The following PIK3C2A variants were observed in gnomAD, a reference collection of about 807,000 sequenced individuals.
PIK3C2A encodes phosphatidylinositol-4-phosphate 3-kinase catalytic subunit type 2 alpha.
A neutral mutation model predicts 204.5 loss-of-function variants in PIK3C2A; 97 were observed. The ratio of observed to expected loss-of-function variants is 0.47; its 90% CI spans 0.40 to 0.56. PIK3C2A has a LOEUF of 0.56. Among genes scored for constraint, PIK3C2A ranks in the 20% least tolerant of loss-of-function variants. The pLI is 0.00. For synonymous variants in PIK3C2A, 653 were observed against 664.4 expected (o/e 0.98, Z 0.26); for missense variants, 1,735 against 1,969.2 (o/e 0.88, Z 2.25).
In PIK3C2A at chr11:17,158,564, C is replaced by T. The variant is rs144065960; in HGVS notation, c.1066-2935G>A. Among the ~76,000 whole-genome samples the T allele has an allele frequency of 4.2e-3, 637 of 151,988 alleles. 4 individuals carry two copies. Among genetic ancestry groups the T allele is most frequent in the Middle Eastern group, 0.014 (4 of 292 alleles). On this transcript the variant is annotated intron_variant, in intron 2 of 32. Transcript: ENST00000691414. Reference sequence around the variant, plus strand: ...AATTTCAACCCAGGCAGTCTGGCTTCAATGTCACATGCTTAATCACCATGC... The same window carrying T: ...AATTTCAACCCAGGCAGTCTGGCTTTAATGTCACATGCTTAATCACCATGC...
At chr11:17,139,501 G>A (rs1849985877) in intron 8 of PIK3C2A, among the ~76,000 whole-genome samples, 1 of 152,038 alleles carries the variant, frequency 6.6e-6, no homozygotes, top group African/African-American at 2.4e-5. Context: ...TAGGATTACA[G>A]GCATGAGCCA....
At chr11:17,185,812 A>AT (rs762873796) in intron 1 of PIK3C2A, among the ~76,000 whole-genome samples, 2 of 152,076 alleles carry the variant, frequency 1.3e-5, no homozygotes, top group African/African-American at 2.4e-5. Flanking sequence ...TCTTTCCTGG[A>AT]TTATTGAAAT....
intron 19 of PIK3C2A, among the ~76,000 whole-genome samples, chr11:17,115,116 G>T (rs533254159): frequency 6.6e-6 from 1 of 151,856 alleles, no homozygotes; most frequent in Admixed American, 6.6e-5. Context: ...ATGGATACAC[G>T]GTTCCTAAAA....
Position 17,112,554 on chromosome 11 carries a change from C to T in PIK3C2A, c.3414+20G>A, listed in dbSNP as rs766912995. The T allele has an allele frequency of 4.3e-5, 51 of 1,189,932 alleles. No homozygotes were observed. Among genetic ancestry groups the T allele is most frequent in the Non-Finnish European group, 5.9e-5 (49 of 833,652 alleles). The allele number at this position is 1,189,932 out of a possible 1,614,324, so 73.7% of individuals were successfully genotyped here. A position where few individuals can be genotyped will look rare whatever the true frequency, so the allele number is the denominator to read the frequency against. On this transcript the variant is annotated intron_variant, in intron 21 of 32. Transcript: ENST00000691414. The stretch of plus-strand genomic sequence containing the variant: ...AAATTTCTAAATTGCCATTAAAAAA[C>T]AGTAACATTATTTACTCACCTTAAA...
intron 1 of PIK3C2A, among the ~76,000 whole-genome samples, chr11:17,191,896 G>A (rs1275578607): frequency 2.6e-5 from 4 of 151,632 alleles, no homozygotes; most frequent in Admixed American, 2.0e-4. Context: ...ACTTTGGGAC[G>A]TCAAGGTGGG....
At chr11:17,112,781 A>T (rs1192452212) in intron 20 of PIK3C2A, 115 bp from the exon 21 acceptor site, 7 of 471,936 alleles carry the variant, frequency 1.5e-5, no homozygotes, top group Non-Finnish European at 2.7e-5. Flanking sequence ...TTTTAGATTT[A>T]TTTTTTATTT....
intron 1 of PIK3C2A, among the ~76,000 whole-genome samples, chr11:17,203,305 C>T (rs1326463812): frequency 7.0e-6 from 1 of 142,802 alleles, no homozygotes; most frequent in Non-Finnish European, 1.5e-5. Context: ...CCAGCCTGGT[C>T]AACATAGTGA....
chr11:17,102,920 T>C, intron 23 of PIK3C2A, 89 bp from the exon 24 acceptor site: 1 of 782,848 alleles, frequency 1.3e-6, no homozygotes, highest in South Asian at 1.9e-5. Flanking sequence ...TATCACTCTT[T>C]AAAAACACTA....
At chr11:17,098,941 G>C (rs928511501) in intron 26 of PIK3C2A, among the ~76,000 whole-genome samples, 2 of 152,162 alleles carry the variant, frequency 1.3e-5, no homozygotes, top group Non-Finnish European at 2.9e-5. Context: ...TGTTCCTCAG[G>C]CTGGAGTGCA....
chr11:17,207,094 C>CA (rs1261016318), intron 1 of PIK3C2A, among the ~76,000 whole-genome samples: 1 of 152,226 alleles, frequency 6.6e-6, no homozygotes, highest in African/African-American at 2.4e-5. Flanking sequence ...CCTCCTCCCC[C>CA]AAAAAATAAT....
At chr11:17,182,272 G>A (rs754449553) in intron 1 of PIK3C2A, among the ~76,000 whole-genome samples, 10 of 151,900 alleles carry the variant, frequency 6.6e-5, no homozygotes, top group Non-Finnish European at 7.4e-5. Flanking sequence ...TTTTCTGTGC[G>A]TTACTTAACC....
At chr11:17,105,138 GC>G in intron 23 of PIK3C2A, 30 bp downstream of exon 23, 2 of 1,580,076 alleles carry the variant, frequency 1.3e-6, no homozygotes, top group Non-Finnish European at 8.7e-7. Context: ...TTTTGACAAA[GC>G]TTTTTAGAAT....
chr11:17,090,923 T>C (rs1459966099), intron 32 of PIK3C2A, among the ~76,000 whole-genome samples: 5 of 151,784 alleles, frequency 3.3e-5, no homozygotes, highest in Non-Finnish European at 7.4e-5. Context: ...TCTTTTTTTT[T>C]TTTTGTAGAG....
Position 17,089,881 on chromosome 11 carries a change from G to A in PIK3C2A, c.4918C>T (p.Arg1640Ter). Residue 1640 changes from arginine (R) to a stop codon, truncating the protein, a stop_gained, in exon 33 of 33, where the codon CGA (arginine) becomes TGA (stop). Transcript: ENST00000691414. LOFTEE classifies it high-confidence loss of function. ...SGYSKETLRQ[R>*]ELQLSVLSAE... Reference sequence around the variant, plus strand: ...CTGAGTACACTTAGTTGAAGTTCTCGCTGTCTTAGGGTTTCTTTGCTATAT... The same window carrying A: ...CTGAGTACACTTAGTTGAAGTTCTCACTGTCTTAGGGTTTCTTTGCTATAT... The A allele has an allele frequency of 3.7e-6, 6 of 1,612,614 alleles. No homozygotes were observed. Among genetic ancestry groups the A allele is most frequent in the Non-Finnish European group, 5.1e-6 (6 of 1,179,060 alleles).
intron 8 of PIK3C2A, 54 bp downstream of exon 8, chr11:17,145,614 A>G: frequency 9.8e-7 from 1 of 1,017,650 alleles, no homozygotes; most frequent in South Asian, 1.4e-5. Flanking sequence ...ATTTAAGAGA[A>G]AGAAGCAGCA....
Position 17,110,423 on chromosome 11 carries a change from T to C in PIK3C2A, c.3544+9A>G. ...AAATAAGACATCAAGACACAGCTAA[T>C]AAACTTACCTCGATCTCTGCCAGTT... On this transcript the variant is annotated intron_variant, in intron 22 of 32. Coordinates refer to ENST00000691414, the MANE Select transcript of PIK3C2A (RefSeq NM_002645.4). 2 of 1,605,820 alleles carry C rather than the reference T, an allele frequency of 1.2e-6. No individual in the cohort carries two copies. The highest frequency in any genetic ancestry group is 1.3e-5 in the African/African-American group (1 of 74,674).
intron 32 of PIK3C2A, among the ~76,000 whole-genome samples, chr11:17,090,543 G>A (rs777445582): frequency 5.3e-5 from 8 of 152,236 alleles, no homozygotes; most frequent in Non-Finnish European, 1.2e-4. Context: ...GAATAGTCTG[G>A]AAGTAATTAA....
At chr11:17,121,419 C>T (rs973778126) in intron 15 of PIK3C2A, among the ~76,000 whole-genome samples, 25 of 152,164 alleles carry the variant, frequency 1.6e-4, no homozygotes, top group African/African-American at 5.5e-4. Context: ...GCCCAGTCTC[C>T]GAACAGTTTT....
At chr11:17,197,839 C>A (rs1049270338) in intron 1 of PIK3C2A, among the ~76,000 whole-genome samples, 1 of 152,124 alleles carries the variant, frequency 6.6e-6, no homozygotes, top group African/African-American at 2.4e-5. Context: ...ATGGTATATA[C>A]CTGCATTTAA....
Sources: gnomAD v4.1 joint callset for allele counts (sites outside exome capture counted in the v4.1 genomes callset) on GRCh38, gnomAD v4.1.1 for gene constraint, MANE v1.5 for transcripts, NCBI Gene and HGNC (gene_info 2026-07-23, HGNC 2026-07-21) for gene names.